SLC35F3: variants seen among roughly 807,000 people sequenced by gnomAD.
The protein encoded by SLC35F3 is solute carrier family 35 member F3.
SLC35F3 carries 25 observed loss-of-function variants against 49.9 expected under a neutral mutation model. The ratio of observed to expected loss-of-function variants is 0.50; its 90% CI spans 0.37 to 0.70. The LOEUF (loss-of-function observed/expected upper bound fraction) is 0.70, where lower values mean the gene tolerates loss of function less well. SLC35F3 is among the 30% of genes least tolerant of loss of function. The pLI is 0.00. For synonymous variants in SLC35F3, 275 were observed against 265.4 expected (o/e 1.04, Z -0.35); for missense variants, 525 against 639.8 (o/e 0.82, Z 1.94).
chr1:234,247,361 C>A (rs575279195), intron 3 of SLC35F3, among the ~76,000 whole-genome samples: 1 of 151,562 alleles, frequency 6.6e-6, no homozygotes, highest in Non-Finnish European at 1.5e-5. Context: ...TTCCATTGTT[C>A]GGTAGGTTGG....
At chr1:234,030,935 ATCT>A (rs1243676081) in intron 2 of SLC35F3, among the ~76,000 whole-genome samples, 5 of 152,190 alleles carry the variant, frequency 3.3e-5, no homozygotes, top group African/African-American at 4.8e-5. Context: ...GGCAGACTAA[ATCT>A]TATTATTCTG....
intron 3 of SLC35F3, among the ~76,000 whole-genome samples, chr1:234,280,119 C>G (rs1304486111): frequency 6.6e-6 from 1 of 152,250 alleles, no homozygotes; most frequent in African/African-American, 2.4e-5. Flanking sequence ...TTTGCCTTCC[C>G]TTCCCATATA....
At chr1:234,199,701 A>G (rs7535464) in intron 2 of SLC35F3, among the ~76,000 whole-genome samples, 21,148 of 152,228 alleles carry the variant, frequency 0.14, 3,678 homozygotes, top group East Asian at 0.88. Context: ...AGAATGAAGA[A>G]ACAATCCACA....
intron 2 of SLC35F3, among the ~76,000 whole-genome samples, chr1:233,982,291 T>A (rs1418323395): frequency 2.0e-5 from 3 of 152,234 alleles, no homozygotes; most frequent in Non-Finnish European, 4.4e-5. Context: ...AACTGTACTA[T>A]CAGTCCACGT....
intron 3 of SLC35F3, among the ~76,000 whole-genome samples, chr1:234,275,478 C>G (rs1008263664): frequency 1.3e-5 from 2 of 152,232 alleles, no homozygotes; most frequent in African/African-American, 4.8e-5. Context: ...TAAGAGAACA[C>G]AGATTCTTTT....
chr1:234,182,889 T>C (rs982653868), intron 2 of SLC35F3, among the ~76,000 whole-genome samples: 4 of 146,548 alleles, frequency 2.7e-5, no homozygotes, highest in African/African-American at 9.7e-5. Context: ...CTCTAGTCCA[T>C]TTTCTATACA....
intron 2 of SLC35F3, among the ~76,000 whole-genome samples, chr1:234,200,879 T>C (rs1260246405): frequency 6.6e-6 from 1 of 152,244 alleles, no homozygotes. Flanking sequence ...TTTAGGTTGC[T>C]TCTATTTAGT....
chr1:234,288,953 C>T (rs1027122304), intron 3 of SLC35F3, among the ~76,000 whole-genome samples: 1 of 152,202 alleles, frequency 6.6e-6, no homozygotes, highest in African/African-American at 2.4e-5. Context: ...TCCTCTGGGA[C>T]TCATTCAGAA....
intron 2 of SLC35F3, among the ~76,000 whole-genome samples, chr1:234,062,469 G>A (rs575224331): frequency 7.0e-4 from 107 of 152,228 alleles, no homozygotes; most frequent in Non-Finnish European, 1.2e-3. Flanking sequence ...GATTCATGTG[G>A]AACCCCGGAG....
chr1:234,005,493 A>G (rs1558203142), intron 2 of SLC35F3, among the ~76,000 whole-genome samples: 3 of 152,152 alleles, frequency 2.0e-5, no homozygotes, highest in Admixed American at 2.0e-4. Flanking sequence ...ATAAACCTCC[A>G]CTAAAGCAAT....
At chr1:234,116,896 C>A (rs1007615114) in intron 2 of SLC35F3, among the ~76,000 whole-genome samples, 2 of 152,166 alleles carry the variant, frequency 1.3e-5, no homozygotes, top group Non-Finnish European at 2.9e-5. Flanking sequence ...TCCAGTGCAA[C>A]AAGATGTCCA....
intron 2 of SLC35F3, among the ~76,000 whole-genome samples, chr1:234,184,104 G>A (rs1365384619): frequency 6.6e-6 from 1 of 150,740 alleles, no homozygotes; most frequent in Non-Finnish European, 1.5e-5. Flanking sequence ...TTCTTTGCTA[G>A]TTAATTCTTT....
intron 3 of SLC35F3, among the ~76,000 whole-genome samples, chr1:234,260,125 A>G (rs998532916): frequency 7.2e-5 from 11 of 152,154 alleles, no homozygotes; most frequent in Non-Finnish European, 1.5e-4. Context: ...ATCAGTTGGC[A>G]TGATAAGTGA....
intron 2 of SLC35F3, among the ~76,000 whole-genome samples, chr1:234,058,327 A>AGTTTTTTTTTTTTTT (rs1300886196): frequency 1.2e-5 from 1 of 81,348 alleles, no homozygotes; most frequent in African/African-American, 8.8e-5. Flanking sequence ...AATGTTCCTG[A>AGTTTTTTTTTTTTTT]ATTTTTTTTT....
chr1:234,134,607 G>T (rs72758239), intron 2 of SLC35F3, among the ~76,000 whole-genome samples: 1 of 151,806 alleles, frequency 6.6e-6, no homozygotes, highest in South Asian at 2.1e-4. Flanking sequence ...TCTCAACCCT[G>T]CCTGCACATT....
intron 3 of SLC35F3, among the ~76,000 whole-genome samples, chr1:234,265,401 G>A (rs1667964877): frequency 6.6e-6 from 1 of 151,372 alleles, no homozygotes; most frequent in South Asian, 2.1e-4. Context: ...CTCAACTCCT[G>A]GACTCAAGCG....
In SLC35F3 at chr1:233,926,704, G is replaced by A. The variant is rs966368789; in HGVS notation, c.283+20946G>A. 4.6e-5 allele frequency among the ~76,000 whole-genome samples: 7 copies of A among 152,170 alleles called. No homozygotes were observed. In the East Asian group the frequency reaches 1.3e-3, roughly 29 times the overall value. Reference sequence around the variant, plus strand: ...GGCAAGGAGCTGCGTTCCTTTGAAGGAGAAGAGGTGCTCTGATTTTTAGAA... The same window carrying A: ...GGCAAGGAGCTGCGTTCCTTTGAAGAAGAAGAGGTGCTCTGATTTTTAGAA... On this transcript the variant is annotated intron_variant, in intron 2 of 7. Transcript: ENST00000366618.
chr1:233,966,730 T>C (rs1044889285), intron 2 of SLC35F3, among the ~76,000 whole-genome samples: 1 of 152,240 alleles, frequency 6.6e-6, no homozygotes, highest in Non-Finnish European at 1.5e-5. Context: ...TTCTAAATCA[T>C]AGAAAGCCTT....
intron 2 of SLC35F3, among the ~76,000 whole-genome samples, chr1:233,918,547 G>C (rs1247114395): frequency 3.3e-5 from 5 of 152,158 alleles, no homozygotes; most frequent in African/African-American, 1.2e-4. Context: ...TGTAATCCCA[G>C]CACTTTGGCC....
Sources: allele counts gnomAD v4.1 joint callset (sites outside exome capture counted in the v4.1 genomes callset), GRCh38; gene constraint gnomAD v4.1.1; transcripts MANE v1.5; gene names NCBI Gene and HGNC (gene_info 2026-07-23, HGNC 2026-07-21).